The following PLEKHG3 variants were observed in gnomAD, a reference collection of about 807,000 sequenced individuals.
The protein encoded by PLEKHG3 is pleckstrin homology domain-containing family G member 3.
Under a neutral mutation model 94.9 loss-of-function variants are expected in PLEKHG3, and 62 were observed. The ratio of observed to expected loss-of-function variants is 0.65; its 90% CI spans 0.53 to 0.81. The LOEUF (loss-of-function observed/expected upper bound fraction) is 0.81, where lower values mean the gene tolerates loss of function less well. Ranked by LOEUF, PLEKHG3 falls within the 30% of genes least tolerant of loss-of-function variation. The probability of loss-of-function intolerance (pLI) is 0.00; values close to 1 mark genes in which losing one functional copy is unlikely to be tolerated. For synonymous variants in PLEKHG3, 614 were observed against 654.0 expected (o/e 0.94, Z 0.93); for missense variants, 1,461 against 1,619.3 (o/e 0.90, Z 1.68).
chr14:64,738,713 G>A lies in PLEKHG3; in HGVS notation c.1405-29G>A, dbSNP rs2081624624. 3 of 1,438,396 alleles carry A rather than the reference G, an allele frequency of 2.1e-6. No homozygotes were observed. Among genetic ancestry groups the A allele is most frequent in the Admixed American group, 1.9e-5 (1 of 51,516 alleles). 89.1% of individuals were successfully genotyped at this position (1,438,396 alleles called of 1,614,324 possible). A position where few individuals can be genotyped will look rare whatever the true frequency, so the allele number is the denominator to read the frequency against. ...AAGGGATCAGCTTCCAGTTGTCTTGGAGTTGATGACTGACCTCTACCTCTG... is the reference window on the plus strand; with the variant it reads ...AAGGGATCAGCTTCCAGTTGTCTTGAAGTTGATGACTGACCTCTACCTCTG... On this transcript the variant is annotated intron_variant, in intron 14 of 16. Coordinates refer to ENST00000247226, the MANE Select transcript of PLEKHG3 (RefSeq NM_001308147.2). This position sits in a 1 kb window ranked among gnomAD's most constrained non-coding sequence, Gnocchi z 4.8.
At chr14:64,733,915 C>A (rs1335590362) in intron 12 of PLEKHG3, among the ~76,000 whole-genome samples, 1 of 152,210 alleles carries the variant, frequency 6.6e-6, no homozygotes, top group African/African-American at 2.4e-5. Flanking sequence ...AGCCAGGTGT[C>A]TGCCAAACAT....
intron 12 of PLEKHG3, among the ~76,000 whole-genome samples, 200 bp downstream of exon 12, chr14:64,733,101 G>A (rs537507996): frequency 1.3e-4 from 19 of 151,962 alleles, no homozygotes; most frequent in African/African-American, 1.7e-4. Flanking sequence ...CTGGGCCCTC[G>A]TTGCCTACCA....
In PLEKHG3 at chr14:64,742,400, G is replaced by A; in HGVS notation, c.2883G>A (p.Lys961=). The A allele has an allele frequency of 6.2e-7, 1 of 1,612,762 alleles. No individual in the cohort carries two copies. The highest frequency in any genetic ancestry group is 8.5e-7 in the Non-Finnish European group (1 of 1,180,018). ...WEKVAPERDG[K]SPTVPCLQEE... is the part of the protein sequence containing the mutation. ...AGGTGGCCCCTGAGAGGGATGGGAAGAGCCCCACTGTGCCCTGTCTACAGG... is the reference window on the plus strand; with the variant it reads ...AGGTGGCCCCTGAGAGGGATGGGAAAAGCCCCACTGTGCCCTGTCTACAGG... The change falls in exon 16 of 17, where the codon AAG becomes AAA. Residue 961 remains lysine, a synonymous_variant. Coordinates refer to ENST00000247226, the MANE Select transcript of PLEKHG3 (RefSeq NM_001308147.2).
rs2081432059 is a variant in PLEKHG3 at position 64,730,185 on chromosome 14, G to T, written c.450-58G>T. On this transcript the variant is annotated intron_variant, in intron 3 of 16. Coordinates refer to ENST00000247226, the MANE Select transcript of PLEKHG3 (RefSeq NM_001308147.2). The surrounding 1 kb of genome is among the most constrained non-coding windows in gnomAD (Gnocchi z 5.4). ...GGTTTGGGAGGTTGGGGAGGGGGCAGTGAGGGGCATTGTCCTCTGACTGCA... is the reference window on the plus strand; with the variant it reads ...GGTTTGGGAGGTTGGGGAGGGGGCATTGAGGGGCATTGTCCTCTGACTGCA... 1.3e-5 allele frequency: 12 copies of T among 933,596 alleles called. No homozygotes were observed. The highest frequency in any genetic ancestry group is 2.0e-5 in the Non-Finnish European group (12 of 597,802). 57.8% of individuals were successfully genotyped at this position (933,596 alleles called of 1,614,324 possible).
chr14:64,741,539 G>A lies in PLEKHG3; in HGVS notation c.2022G>A (p.Gly674=), dbSNP rs559164430. 2 of 1,612,958 alleles carry A rather than the reference G, an allele frequency of 1.2e-6. No homozygotes were observed. The highest frequency in any genetic ancestry group is 3.3e-5 in the Admixed American group (2 of 60,026). The change falls in exon 16 of 17, where the codon GGG becomes GGA. Residue 674 remains glycine, a synonymous_variant. Coordinates refer to ENST00000247226, the MANE Select transcript of PLEKHG3 (RefSeq NM_001308147.2). ...CCCCAGAAGTGGACATCAGTGTGGG[G>A]GTGGCCACAGAGGACAGCCCTTCTG... The part of the protein sequence containing the change: ...QLSPEVDISV[G]VATEDSPSVN...
In PLEKHG3 at chr14:64,748,874, C is replaced by T. The variant is rs544942754; in HGVS notation, c.*5171C>T. The T allele has an allele frequency of 2.1e-4, 36 of 172,714 alleles. No homozygotes were observed. In the South Asian group the frequency reaches 4.4e-3, roughly 21 times the overall value. 10.7% of individuals were successfully genotyped at this position (172,714 alleles called of 1,614,324 possible). A position where few individuals can be genotyped will look rare whatever the true frequency, so the allele number is the denominator to read the frequency against. On this transcript the variant is annotated 3_prime_UTR_variant, in exon 17 of 17. Coordinates refer to ENST00000247226, the MANE Select transcript of PLEKHG3 (RefSeq NM_001308147.2). ...GGCTGCCACCAGGTGGGAGGTGACC[C>T]GAAGCAAGACTTGCTTTAGGAACGG...
chr14:64,741,026 T>C lies in PLEKHG3; in HGVS notation c.1519-10T>C. ...TTTTACTCATGTGAGCCTTTTCTGCTATGTTTCAGGTTGAGCCGGACCCTG... is the reference window on the plus strand; with the variant it reads ...TTTTACTCATGTGAGCCTTTTCTGCCATGTTTCAGGTTGAGCCGGACCCTG... On this transcript the variant is annotated splice_polypyrimidine_tract_variant and intron_variant, in intron 15 of 16. Transcript: ENST00000247226. 1 of 1,555,616 alleles carries C rather than the reference T, an allele frequency of 6.4e-7. No homozygotes were observed. Among genetic ancestry groups the C allele is most frequent in the Non-Finnish European group, 8.7e-7 (1 of 1,150,132 alleles).
rs566243157 is a variant in PLEKHG3, at chr14:64,738,143, C to G, written c.1405-599C>G. ...GCCTGGCGGTGGCGGAGCAGGTAGC[C>G]GACTTTGCCAGCTCCCTGCTGGCCG... is the stretch of plus-strand genomic sequence containing the variant. On this transcript the variant is annotated intron_variant, in intron 14 of 16. Coordinates refer to ENST00000247226, the MANE Select transcript of PLEKHG3 (RefSeq NM_001308147.2). This position sits in a 1 kb window ranked among gnomAD's most constrained non-coding sequence, Gnocchi z 4.8. The G allele has an allele frequency of 1.5e-6, 2 of 1,297,564 alleles. No individual in the cohort carries two copies. Among genetic ancestry groups the G allele is most frequent in the Non-Finnish European group, 2.0e-6 (2 of 993,572 alleles). 80.4% of individuals were successfully genotyped at this position (1,297,564 alleles called of 1,614,324 possible). A position where few individuals can be genotyped will look rare whatever the true frequency, so the allele number is the denominator to read the frequency against.
At chr14:64,724,610 C>A (rs2081320354) in intron 1 of PLEKHG3, among the ~76,000 whole-genome samples, 1 of 152,212 alleles carries the variant, frequency 6.6e-6, no homozygotes. Context: ...TAGTAGCAGG[C>A]CCAAAAACTG....
At chr14:64,737,944 C>T (rs1159121303) in intron 14 of PLEKHG3, 1 of 1,234,708 alleles carries the variant, frequency 8.1e-7, no homozygotes, top group Admixed American at 2.8e-5. Flanking sequence ...GAAGGGGCTA[C>T]CCAGGAGGAG....
At position 64,750,183 on chromosome 14, in the gene PLEKHG3, C is replaced by T. The variant is rs770796706; in HGVS notation, c.*6480C>T. The stretch of plus-strand genomic sequence containing the variant: ...CAAAGATGCAGACAGGCAGGTCACC[C>T]ACATCCTGATATGGTATCTCTAGAG... On this transcript the variant is annotated 3_prime_UTR_variant, in exon 17 of 17. Coordinates refer to ENST00000247226, the MANE Select transcript of PLEKHG3 (RefSeq NM_001308147.2). The T allele has an allele frequency of 6.2e-7, 1 of 1,606,728 alleles. No individual in the cohort carries two copies. The highest frequency in any genetic ancestry group is 2.2e-5 in the East Asian group (1 of 44,706).
rs749983596 is a variant in PLEKHG3 at position 64,731,066 on chromosome 14, A to T, written c.746A>T (p.Glu249Val). 2 of 1,614,018 alleles carry T rather than the reference A, an allele frequency of 1.2e-6. No homozygotes were observed. The highest frequency in any genetic ancestry group is 1.7e-6 in the Non-Finnish European group (2 of 1,179,924). ...ATTGCCAAGCATTTTGATGAAGAAG[A>T]GGATGGCTTTGAGGTGGTGGAGGAT... The part of the protein sequence containing the change: ...QEIAKHFDEE[E>V]DGFEVVEDAI... The change falls in exon 7 of 17, where the codon GAG becomes GTG. Residue 249 changes from glutamate to valine, a missense_variant. By Grantham distance (121) the Glu-to-Val change is moderately radical (BLOSUM62 -2). This residue lies in a region of PLEKHG3 where 1,201 missense variants were observed against 1,295.5 expected (regional missense o/e 0.93). Transcript: ENST00000247226. The surrounding 1 kb of genome is among the most constrained non-coding windows in gnomAD (Gnocchi z 6.1).
At chr14:64,733,164 CTTT>C (rs112116298) in intron 12 of PLEKHG3, among the ~76,000 whole-genome samples, 5 of 135,344 alleles carry the variant, frequency 3.7e-5, no homozygotes, top group African/African-American at 5.6e-5. Flanking sequence ...TTTTCTTTTT[CTTT>C]TTTTTTTTTT....
chr14:64,730,988 A>T lies in PLEKHG3; in HGVS notation c.717+39A>T, dbSNP rs770050205. On this transcript the variant is annotated intron_variant, in intron 6 of 16. Coordinates refer to ENST00000247226, the MANE Select transcript of PLEKHG3 (RefSeq NM_001308147.2). This position sits in a 1 kb window ranked among gnomAD's most constrained non-coding sequence, Gnocchi z 5.4. ...CCTCCCAAGCACCTAGGGCCTGGGG[A>T]GGGCAGGGCCTTCGGGTCAGGGGCA... 4.3e-6 allele frequency: 7 copies of T among 1,613,614 alleles called. No individual in the cohort carries two copies. Among genetic ancestry groups the T allele is most frequent in the Non-Finnish European group, 5.9e-6 (7 of 1,179,946 alleles).
In PLEKHG3 at chr14:64,732,381, C is replaced by T. The variant is rs375993301; in HGVS notation, c.1213-46C>T. The T allele has an allele frequency of 5.6e-5, 89 of 1,580,904 alleles. 1 individual carries two copies. The East Asian group carries it at 1.5e-3, about 27-fold the overall frequency. On this transcript the variant is annotated intron_variant, in intron 10 of 16. Coordinates refer to ENST00000247226, the MANE Select transcript of PLEKHG3 (RefSeq NM_001308147.2). This position sits in a 1 kb window ranked among gnomAD's most constrained non-coding sequence, Gnocchi z 4.9. ...AGTGGGTCCTATGGGCAGGGAAGGC[C>T]GGCACATGGTAAGGTAATAACCAGG...
In PLEKHG3 at chr14:64,749,290, C is replaced by T; in HGVS notation, c.*5587C>T. On this transcript the variant is annotated 3_prime_UTR_variant, in exon 17 of 17. Transcript: ENST00000247226. This position sits in a 1 kb window ranked among gnomAD's most constrained non-coding sequence, Gnocchi z 4.7. ...TCTGCGCGTCCCGACTCCGCCGCGC[C>T]CGCCAGCCCCACCTGCTACTTCTTT... 3.2e-6 allele frequency: 5 copies of T among 1,578,556 alleles called. No individual in the cohort carries two copies. The highest frequency in any genetic ancestry group is 4.3e-6 in the Non-Finnish European group (5 of 1,166,038).
At chr14:64,729,149 C>A in intron 3 of PLEKHG3, 56 bp downstream of exon 3, 1 of 763,684 alleles carries the variant, frequency 1.3e-6, no homozygotes, top group Non-Finnish European at 2.2e-6. Flanking sequence ...CACCTCAGGG[C>A]CTAGGGAGGA....
rs985375064 is a variant in PLEKHG3 at position 64,749,940 on chromosome 14, A to T, written c.*6237A>T. The T allele has an allele frequency of 6.2e-7, 1 of 1,613,904 alleles. No homozygotes were observed. On this transcript the variant is annotated 3_prime_UTR_variant, in exon 17 of 17. Coordinates refer to ENST00000247226, the MANE Select transcript of PLEKHG3 (RefSeq NM_001308147.2). The surrounding 1 kb of genome is among the most constrained non-coding windows in gnomAD (Gnocchi z 4.7). ...TCTGCCCTGCCACTAATGCCAAATC[A>T]AGCCATCAACCCGAGCTTTCAAAGG...
At chr14:64,737,845 T>G (rs1378982971) in intron 14 of PLEKHG3, 4 of 1,146,070 alleles carry the variant, frequency 3.5e-6, no homozygotes, top group Admixed American at 4.3e-5. Context: ...CACGAGGGGG[T>G]CTTGTGCTCT....
Sources: allele counts gnomAD v4.1 joint callset (sites outside exome capture counted in the v4.1 genomes callset), GRCh38; gene constraint gnomAD v4.1.1; regional missense constraint gnomAD v4.1.1; non-coding constraint Gnocchi (gnomAD v3.1); transcripts MANE v1.5; gene names NCBI Gene and HGNC (gene_info 2026-07-23, HGNC 2026-07-21).